Variants in RIMOC1 observed in about 807,000 individuals in gnomAD.
The protein encoded by RIMOC1 is RAB7A-interacting MON1-CCZ1 complex subunit 1.
chr5:41,910,921 C>T, the RIMOC1 span: 1 of 961,672 alleles, frequency 1.0e-6, no homozygotes, highest in Admixed American at 2.8e-5. Flanking sequence ...CCTGTGTAAG[C>T]AGCTAAACAA....
the RIMOC1 span, among the ~76,000 whole-genome samples, chr5:41,904,810 C>G: frequency 6.6e-6 from 1 of 152,176 alleles, no homozygotes; most frequent in Admixed American, 6.5e-5. Flanking sequence ...AATGATAACA[C>G]TCAAATTAGT....
chr5:41,906,986 G>T, the RIMOC1 span, among the ~76,000 whole-genome samples: 1 of 152,076 alleles, frequency 6.6e-6, no homozygotes, highest in African/African-American at 2.4e-5. Flanking sequence ...GCTGCAGAAG[G>T]GTGGATAGTA....
the RIMOC1 span, chr5:41,921,406 A>G: frequency 2.0e-5 from 3 of 147,508 alleles, no homozygotes; most frequent in Non-Finnish European, 3.0e-5. Flanking sequence ...AGGATTCTAT[A>G]GTTTTTTAGT....
the RIMOC1 span, among the ~76,000 whole-genome samples, chr5:41,916,732 G>C: frequency 6.6e-6 from 1 of 152,118 alleles, no homozygotes; most frequent in Non-Finnish European, 1.5e-5. Context: ...AGAAGTTATA[G>C]AGTGGACCCC....
chr5:41,908,927 A>G, the RIMOC1 span, among the ~76,000 whole-genome samples: 1 of 152,092 alleles, frequency 6.6e-6, no homozygotes, highest in African/African-American at 2.4e-5. Flanking sequence ...GATAACATTT[A>G]CTCCTCATGT....
chr5:41,912,281 G>A, the RIMOC1 span: 3 of 714,808 alleles, frequency 4.2e-6, no homozygotes, highest in East Asian at 2.5e-5. Flanking sequence ...AAATGTCAAG[G>A]TAGATTATAG....
chr5:41,917,797 A>G, the RIMOC1 span: 3 of 866,608 alleles, frequency 3.5e-6, no homozygotes, highest in East Asian at 1.2e-4. Context: ...TCCATTTTCA[A>G]TAAGGTAAAT....
the RIMOC1 span, among the ~76,000 whole-genome samples, chr5:41,910,656 A>T: frequency 6.6e-6 from 1 of 151,960 alleles, no homozygotes; most frequent in African/African-American, 2.4e-5. Context: ...TATTAAAATT[A>T]TTTTTGGGTG....
the RIMOC1 span, among the ~76,000 whole-genome samples, chr5:41,911,661 T>C: frequency 6.6e-6 from 1 of 152,324 alleles, no homozygotes. Context: ...TTAGGTGGGC[T>C]TGAAATGCGA....
chr5:41,904,417 A>T, the RIMOC1 span: 1 of 1,613,912 alleles, frequency 6.2e-7, no homozygotes, highest in Admixed American at 1.7e-5. Context: ...GAGCTCGGGG[A>T]TCTGGCTCAG....
the RIMOC1 span, chr5:41,907,783 C>A: frequency 6.2e-7 from 1 of 1,609,704 alleles, no homozygotes; most frequent in Non-Finnish European, 8.5e-7. Flanking sequence ...ATTGAAACTC[C>A]TGTGTGGAGA....
At chr5:41,917,089 T>G in the RIMOC1 span, 1 of 1,613,862 alleles carries the variant, frequency 6.2e-7, no homozygotes, top group South Asian at 1.1e-5. Context: ...CGAAGTATTG[T>G]GCTGATCAGC....
chr5:41,915,561 G>A, the RIMOC1 span, among the ~76,000 whole-genome samples: 4 of 152,158 alleles, frequency 2.6e-5, no homozygotes, highest in South Asian at 2.1e-4. Context: ...ACAGTTCCTC[G>A]TTGCTGGGAG....
chr5:41,905,396 C>T, the RIMOC1 span, among the ~76,000 whole-genome samples: 16 of 152,142 alleles, frequency 1.1e-4, no homozygotes, highest in Non-Finnish European at 1.8e-4. Flanking sequence ...TGGAGCCCCT[C>T]TAGTAGTGGG....
At chr5:41,907,783 C>T in the RIMOC1 span, 1 of 1,609,704 alleles carries the variant, frequency 6.2e-7, no homozygotes, top group South Asian at 1.1e-5. Context: ...ATTGAAACTC[C>T]TGTGTGGAGA....
chr5:41,913,801 A>T, the RIMOC1 span, among the ~76,000 whole-genome samples: 4 of 152,208 alleles, frequency 2.6e-5, no homozygotes, highest in African/African-American at 9.6e-5. Flanking sequence ...TCATTTAGAC[A>T]AATATTTTAT....
the RIMOC1 span, among the ~76,000 whole-genome samples, chr5:41,914,436 G>A: frequency 6.6e-6 from 1 of 150,714 alleles, no homozygotes; most frequent in Non-Finnish European, 1.5e-5. Context: ...CAGCCTGGGG[G>A]ATAGAGCCAG....
At chr5:41,908,045 A>G in the RIMOC1 span, among the ~76,000 whole-genome samples, 1 of 152,334 alleles carries the variant, frequency 6.6e-6, no homozygotes, top group Non-Finnish European at 1.5e-5. Flanking sequence ...TGTGTTAATA[A>G]GAAAAGTCAG....
chr5:41,910,767 G>A, the RIMOC1 span, among the ~76,000 whole-genome samples: 1 of 152,024 alleles, frequency 6.6e-6, no homozygotes, highest in Admixed American at 6.6e-5. Flanking sequence ...GATGATGACT[G>A]CTTATATTGC....
Sources: allele counts gnomAD v4.1 joint callset (sites outside exome capture counted in the v4.1 genomes callset), GRCh38; gene constraint gnomAD v4.1.1; transcripts MANE v1.5; gene names NCBI Gene and HGNC (gene_info 2026-07-23, HGNC 2026-07-21).